NOC2L: variants seen among roughly 807,000 people sequenced by gnomAD.
NOC2L encodes nucleolar complex protein 2 homolog.
NOC2L carries 101 observed loss-of-function variants against 94.2 expected under a neutral mutation model. The observed-to-expected ratio is 1.07, with a 90% CI of 0.91 to 1.26. NOC2L has a LOEUF of 1.26. NOC2L is among the 50% of genes most tolerant of loss of function. The pLI, the probability that NOC2L is intolerant of heterozygous loss-of-function variation, is 0.00. For missense variants in NOC2L, 1,076 were observed against 980.1 expected (o/e 1.10, Z -1.31); for synonymous variants, 531 against 413.4 (o/e 1.28, Z -3.45).
intron 8 of NOC2L, 49 bp downstream of exon 8, chr1:953,733 T>A (rs751220774): frequency 7.3e-7 from 1 of 1,366,782 alleles, no homozygotes; most frequent in Non-Finnish European, 1.0e-6. Flanking sequence ...GGTAGCCGTG[T>A]GGCCCCCCGA....
chr1:944,238 C>CT lies in NOC2L; in HGVS notation c.*455dup, dbSNP rs1557613179. On this transcript the variant is annotated 3_prime_UTR_variant, in exon 19 of 19. Transcript: ENST00000327044. ...GGCCCTGCCTCCCACCGCTTTATTT[C>CT]TTTCGGTTTCGGATGCAAAACAAAA... 3 of 1,455,458 alleles carry CT rather than the reference C, an allele frequency of 2.1e-6. No individual in the cohort carries two copies. Among genetic ancestry groups the CT allele is most frequent in the Non-Finnish European group, 2.7e-6 (3 of 1,105,030 alleles). The allele number at this position is 1,455,458 out of a possible 1,614,324, so 90.2% of individuals were successfully genotyped here.
chr1:951,239 C>A lies in NOC2L; in HGVS notation c.1332-1G>T, dbSNP rs1308129954. The A allele has an allele frequency of 1.9e-6, 3 of 1,575,450 alleles. No homozygotes were observed. Among genetic ancestry groups the A allele is most frequent in the Non-Finnish European group, 2.6e-6 (3 of 1,160,384 alleles). The stretch of plus-strand genomic sequence containing the variant: ...GTAGAAGCGGGCAGTGGGGATGAGC[C>A]TGGGGGTGGGAAGGCCGAGTGAGCA... On this transcript the variant is annotated splice_acceptor_variant, in intron 11 of 18. Coordinates refer to ENST00000327044, the MANE Select transcript of NOC2L (RefSeq NM_015658.4). LOFTEE classifies it high-confidence loss of function.
intron 11 of NOC2L, 72 bp from the exon 12 acceptor site, chr1:951,310 G>T: frequency 8.4e-7 from 1 of 1,184,884 alleles, no homozygotes; most frequent in Non-Finnish European, 1.2e-6. Context: ...TGCTGTCTTG[G>T]ACCTCCTCCC....
chr1:945,364 C>T, intron 17 of NOC2L, 154 bp downstream of exon 17: 2 of 1,034,020 alleles, frequency 1.9e-6, no homozygotes, highest in Non-Finnish European at 2.8e-6. Flanking sequence ...AAGGCGCTGG[C>T]ACCAGAAGCC....
rs1455444329 is a variant in NOC2L, at chr1:951,338, A to AC, written c.1332-101dup. 10 of 920,934 alleles carry AC rather than the reference A, an allele frequency of 1.1e-5. 1 individual carries two copies. Among genetic ancestry groups the AC allele is most frequent in the Admixed American group, 1.0e-4 (5 of 49,260 alleles). The allele number at this position is 920,934 out of a possible 1,614,324, so 57.0% of individuals were successfully genotyped here. On this transcript the variant is annotated intron_variant, in intron 11 of 18. Transcript: ENST00000327044. The stretch of plus-strand genomic sequence containing the variant: ...CTCCTCCCCCACTCACCGACATCAG[A>AC]CCCCTAAAGCAGGACAAGGCACGTC...
chr1:954,279 A>G, intron 6 of NOC2L, 197 bp from the exon 7 acceptor site: 2 of 551,670 alleles, frequency 3.6e-6, no homozygotes, highest in South Asian at 2.6e-5. Context: ...CAAGTGCATT[A>G]GCTCCTCCTT....
intron 2 of NOC2L, chr1:957,781 C>A (rs115345247): frequency 3.0e-4 from 49 of 161,112 alleles, no homozygotes; most frequent in Non-Finnish European, 5.9e-4. Flanking sequence ...AGGCACTCCA[C>A]CGCTCAAACC....
At chr1:956,670 C>T (rs1642411708) in intron 4 of NOC2L, among the ~76,000 whole-genome samples, 1 of 152,184 alleles carries the variant, frequency 6.6e-6, no homozygotes, top group African/African-American at 2.4e-5. Context: ...ACCAAGCAAG[C>T]AGGAGGAGCA....
chr1:954,265 C>T (rs1278992372), intron 6 of NOC2L, 183 bp from the exon 7 acceptor site: 6 of 564,924 alleles, frequency 1.1e-5, no homozygotes, highest in Non-Finnish European at 1.9e-5. Flanking sequence ...TAGGAGGACC[C>T]TCTCAAGTGC....
intron 6 of NOC2L, chr1:954,499 A>G (rs182517051): frequency 3.9e-4 from 69 of 177,876 alleles, no homozygotes; most frequent in Admixed American, 3.7e-3. Flanking sequence ...ACTGCCGCAG[A>G]CTGGTTTCCT....
intron 12 of NOC2L, among the ~76,000 whole-genome samples, chr1:949,070 G>T (rs1255410270): frequency 7.3e-6 from 1 of 136,152 alleles, no homozygotes; most frequent in Non-Finnish European, 1.6e-5. Flanking sequence ...CCAGACACAG[G>T]ACGGGACAGA....
At chr1:954,341 G>T (rs1052724542) in intron 6 of NOC2L, 16 of 459,686 alleles carry the variant, frequency 3.5e-5, no homozygotes, top group Non-Finnish European at 6.1e-5. Context: ...ACCGCCCTAA[G>T]AGTCCCCGGA....
chr1:946,074 A>T, intron 16 of NOC2L, 99 bp downstream of exon 16: 1 of 917,240 alleles, frequency 1.1e-6, no homozygotes, highest in Non-Finnish European at 1.7e-6. Context: ...GCCGCCTGGC[A>T]CTGTTTCCAA....
At chr1:950,212 G>A (rs934737731) in intron 12 of NOC2L, among the ~76,000 whole-genome samples, 8 of 151,440 alleles carry the variant, frequency 5.3e-5, no homozygotes, top group African/African-American at 1.9e-4. Context: ...ACACGCACAG[G>A]TACACACGCA....
Position 958,987 on chromosome 1 carries a change from G to A in NOC2L, c.121C>T (p.Arg41Trp), listed in dbSNP as rs775367747. 1.2e-6 allele frequency: 2 copies of A among 1,612,628 alleles called. No homozygotes were observed. The highest frequency in any genetic ancestry group is 2.7e-5 in the African/African-American group (2 of 74,922). Residue 41 changes from arginine to tryptophan, a missense_variant, in exon 2 of 19, where the codon CGG becomes TGG. Arg to Trp is a moderately radical substitution (Grantham distance 101, BLOSUM62 -3). Coordinates refer to ENST00000327044, the MANE Select transcript of NOC2L (RefSeq NM_015658.4). ...CTCCGGGCAGCCTCGCGTGCTTCCC[G>A]TGTCTCCGCTTGTGGAGAATTTTCG... ...ESENSPQAET[R>W]EAREAARSPD...
chr1:958,397 T>C (rs1642476675), intron 2 of NOC2L: 1 of 318,750 alleles, frequency 3.1e-6, no homozygotes, highest in Non-Finnish European at 6.2e-6. Flanking sequence ...GGATTACAGG[T>C]GCCCACCACG....
chr1:948,532 G>A lies in NOC2L; in HGVS notation c.1515C>T (p.Ile505=), dbSNP rs977862909. 3.7e-6 allele frequency: 6 copies of A among 1,613,688 alleles called. No individual in the cohort carries two copies. Among genetic ancestry groups the A allele is most frequent in the South Asian group, 2.2e-5 (2 of 91,090 alleles). The change falls in exon 13 of 19, where the codon ATC becomes ATT. Residue 505 remains isoleucine (I), a synonymous_variant. Coordinates refer to ENST00000327044, the MANE Select transcript of NOC2L (RefSeq NM_015658.4). The part of the protein sequence containing the change: ...MSSKPINFSV[I]LKLSNVNLQE... ...GCAGGTTGACATTGGACAGCTTCAG[G>A]ATCACGGAGAAGTTGATGGGCTTGG...
chr1:953,910 C>G lies in NOC2L; in HGVS notation c.778-18G>C. On this transcript the variant is annotated intron_variant, in intron 7 of 18. Transcript: ENST00000327044. ...GACACCAGCTGGGGGCAGGAGGGGA[C>G]AGTGAAGCCCCAAACCCATGTATTC... The G allele has an allele frequency of 6.2e-7, 1 of 1,611,248 alleles. No homozygotes were observed. The highest frequency in any genetic ancestry group is 8.5e-7 in the Non-Finnish European group (1 of 1,178,320).
intron 2 of NOC2L, 30 bp downstream of exon 2, chr1:958,899 G>A (rs772432621): frequency 3.7e-6 from 6 of 1,612,342 alleles, no homozygotes; most frequent in South Asian, 1.1e-5. Context: ...GGACGAGCAA[G>A]AGGTTCTGCT....
Sources: allele counts gnomAD v4.1 joint callset (sites outside exome capture counted in the v4.1 genomes callset), GRCh38; gene constraint gnomAD v4.1.1; transcripts MANE v1.5; gene names NCBI Gene and HGNC (gene_info 2026-07-23, HGNC 2026-07-21).